The following MYCBP2 variants were observed in gnomAD, a reference collection of about 807,000 sequenced individuals.
MYCBP2 encodes E3 ubiquitin-protein ligase MYCBP2.
A neutral mutation model predicts 525.3 loss-of-function variants in MYCBP2; 120 were observed. The ratio of observed to expected loss-of-function variants is 0.23; its 90% CI spans 0.20 to 0.27. The LOEUF (loss-of-function observed/expected upper bound fraction) is 0.27, where lower values mean the gene tolerates loss of function less well. MYCBP2 is among the 10% of genes least tolerant of loss of function. MYCBP2 has a pLI of 1.00. For missense variants in MYCBP2, 4,149 were observed against 5,657.1 expected (o/e 0.73, Z 8.55); for synonymous variants, 1,894 against 1,955.8 (o/e 0.97, Z 0.83).
chr13:77,114,012 A>G (rs2049294673), intron 55 of MYCBP2, among the ~76,000 whole-genome samples: 1 of 152,186 alleles, frequency 6.6e-6, no homozygotes, highest in Admixed American at 6.6e-5. Context: ...CCTTCAAAGC[A>G]GGCAAACAAC....
chr13:77,223,632 A>G (rs1002610605), intron 20 of MYCBP2, among the ~76,000 whole-genome samples: 2 of 152,196 alleles, frequency 1.3e-5, no homozygotes, highest in Non-Finnish European at 2.9e-5. Context: ...TCATGGTGTC[A>G]GAGACCCAGC....
chr13:77,294,119 T>TAC (rs1438686449), intron 2 of MYCBP2, among the ~76,000 whole-genome samples: 10 of 64,156 alleles, frequency 1.6e-4, no homozygotes, highest in South Asian at 8.9e-4. Context: ...TATATATATA[T>TAC]ATATATATAT....
chr13:77,301,422 CAAAA>C lies in MYCBP2; in HGVS notation c.303-4752_303-4749del, dbSNP rs11338423. 1.0e-3 allele frequency among the ~76,000 whole-genome samples: 42 copies of C among 40,506 alleles called. No individual in the cohort carries two copies. In the East Asian group the frequency reaches 0.021, roughly 20 times the overall value. The allele number at this position is 40,506 out of a possible 152,430, so 26.6% of individuals were successfully genotyped here. On this transcript the variant is annotated intron_variant, in intron 1 of 82. Coordinates refer to ENST00000544440, the MANE Select transcript of MYCBP2 (RefSeq NM_015057.5). ...TGGGCTACAGAGCAAGACTCCATCT[CAAAA>C]AAAAAAAAAAAAAAAAAAAAAAAGA...
intron 62 of MYCBP2, 22 bp downstream of exon 62, chr13:77,087,462 T>C (rs1023883078): frequency 6.3e-7 from 1 of 1,587,606 alleles, no homozygotes; most frequent in East Asian, 2.3e-5. Context: ...ATATGCACAA[T>C]CAAAACAAAA....
intron 48 of MYCBP2, among the ~76,000 whole-genome samples, chr13:77,144,926 T>G (rs560941316): frequency 6.6e-6 from 1 of 152,336 alleles, no homozygotes; most frequent in East Asian, 1.9e-4. Flanking sequence ...CCTCCCCTTG[T>G]GCTGTGAATC....
chr13:77,150,741 A>G lies in MYCBP2; in HGVS notation c.7124T>C (p.Met2375Thr), dbSNP rs1202150457. 1.2e-6 allele frequency: 2 copies of G among 1,611,254 alleles called. No individual in the cohort carries two copies. The highest frequency in any genetic ancestry group is 1.1e-5 in the South Asian group (1 of 90,304). The stretch of plus-strand genomic sequence containing the variant: ...ATAAGTAAAATAAATTACCTTCATC[A>G]TTGTTATGGCAATATATCGAGCTTC... The part of the protein sequence containing the change: ...VKEARYIAIT[M>T]MKVYENYSFE... Residue 2375 changes from methionine to threonine, a missense_variant, in exon 47 of 83, where the codon ATG becomes ACG. Around this residue, in one of 21 missense-constraint regions of MYCBP2, gnomAD observed 692 missense variants for 852.7 expected, o/e 0.81. Coordinates refer to ENST00000544440, the MANE Select transcript of MYCBP2 (RefSeq NM_015057.5).
At chr13:77,138,317 G>A (rs938900497) in intron 52 of MYCBP2, among the ~76,000 whole-genome samples, 3 of 152,128 alleles carry the variant, frequency 2.0e-5, no homozygotes, top group Non-Finnish European at 4.4e-5. Flanking sequence ...CCAAAGAATT[G>A]TCTTGTATTA....
intron 55 of MYCBP2, among the ~76,000 whole-genome samples, chr13:77,102,453 T>C (rs1463047955): frequency 6.6e-6 from 1 of 151,618 alleles, no homozygotes; most frequent in Non-Finnish European, 1.5e-5. Context: ...TTCTTTTTGA[T>C]AAAATTTTAT....
intron 30 of MYCBP2, among the ~76,000 whole-genome samples, chr13:77,188,073 C>CA (rs745537934): frequency 0.11 from 5,710 of 52,700 alleles, 180 homozygotes; most frequent in Non-Finnish European, 0.13. Flanking sequence ...TCTGCCTCAC[C>CA]AAAAAAAAAA....
chr13:77,299,576 A>T (rs1399231462), intron 1 of MYCBP2, among the ~76,000 whole-genome samples: 54 of 152,210 alleles, frequency 3.5e-4, no homozygotes, highest in Admixed American at 3.5e-3. Flanking sequence ...TGCTAGTAAT[A>T]TAACACACCA....
At chr13:77,053,504 C>T (rs2037261644) in intron 80 of MYCBP2, among the ~76,000 whole-genome samples, 1 of 152,156 alleles carries the variant, frequency 6.6e-6, no homozygotes, top group Admixed American at 6.5e-5. Context: ...CGGTCGTTCA[C>T]CAGCTAAACC....
At chr13:77,182,167 T>G (rs1470207731) in intron 32 of MYCBP2, among the ~76,000 whole-genome samples, 1 of 152,208 alleles carries the variant, frequency 6.6e-6, no homozygotes, top group Non-Finnish European at 1.5e-5. Flanking sequence ...TGTCCTCTAG[T>G]AAATGAGCAT....
intron 55 of MYCBP2, chr13:77,103,136 G>A (rs146740296): frequency 1.0e-5 from 4 of 395,876 alleles, no homozygotes; most frequent in Non-Finnish European, 1.3e-5. Flanking sequence ...TGACTGAGAC[G>A]AACGGAAACA....
chr13:77,231,089 T>C (rs1030565607), intron 18 of MYCBP2, among the ~76,000 whole-genome samples: 4 of 152,238 alleles, frequency 2.6e-5, no homozygotes, highest in Non-Finnish European at 4.4e-5. Context: ...TGATAAATTA[T>C]TATTTGCATT....
intron 1 of MYCBP2, among the ~76,000 whole-genome samples, chr13:77,320,311 C>T (rs2081437143): frequency 6.6e-6 from 1 of 152,088 alleles, no homozygotes; most frequent in Non-Finnish European, 1.5e-5. Context: ...GAAAGCCTAA[C>T]CACAGCACCT....
chr13:77,206,481 T>C (rs1335434889), intron 24 of MYCBP2, among the ~76,000 whole-genome samples, 172 bp downstream of exon 24: 2 of 152,016 alleles, frequency 1.3e-5, no homozygotes, highest in Non-Finnish European at 2.9e-5. Context: ...TTAGTACAGG[T>C]CTCATGTATT....
At position 77,216,299 on chromosome 13, in the gene MYCBP2, G is replaced by GTTTT. The variant is rs1459951650; in HGVS notation, c.3057+1540_3057+1541insAAAA. 2.6e-5 allele frequency among the ~76,000 whole-genome samples: 4 copies of GTTTT among 152,290 alleles called. No homozygotes were observed. In the East Asian group the frequency reaches 7.7e-4, roughly 29 times the overall value. ...CAGGAAAGGAGGGCTCTTGCTTAGA[G>GTTTT]TAAAAGGCCAAGTGCCTACTGGAGT... On this transcript the variant is annotated intron_variant, in intron 21 of 82. Transcript: ENST00000544440.
rs2058522719 is a variant in MYCBP2, at chr13:77,166,420, C to T, written c.6249G>A (p.Leu2083=). 2.6e-5 allele frequency: 42 copies of T among 1,613,792 alleles called. No homozygotes were observed. Among genetic ancestry groups the T allele is most frequent in the Non-Finnish European group, 3.3e-5 (39 of 1,179,908 alleles). The change falls in exon 41 of 83, where the codon TTG becomes TTA. Residue 2083 remains leucine (L), a synonymous_variant. Coordinates refer to ENST00000544440, the MANE Select transcript of MYCBP2 (RefSeq NM_015057.5). ...TVQNSGYGPK[L]TSVHENLNSW... ...AATTAAGATTTTCATGAACAGATGT[C>T]AATTTTGGTCCATATCCTGAATTCT... is the stretch of plus-strand genomic sequence containing the variant.
chr13:77,298,252 T>G (rs1410116501), intron 1 of MYCBP2, among the ~76,000 whole-genome samples: 1 of 152,228 alleles, frequency 6.6e-6, no homozygotes, highest in African/African-American at 2.4e-5. Context: ...CTACCACGTC[T>G]TCTCCTGCTA....
Sources: gnomAD v4.1 joint callset for allele counts (sites outside exome capture counted in the v4.1 genomes callset) on GRCh38, gnomAD v4.1.1 for gene constraint, gnomAD v4.1.1 regional missense constraint, MANE v1.5 for transcripts, NCBI Gene and HGNC (gene_info 2026-07-23, HGNC 2026-07-21) for gene names.